The following ACACB variants were observed in gnomAD, a reference collection of about 807,000 sequenced individuals.
ACACB encodes acetyl-CoA carboxylase beta, also known as acetyl-CoA carboxylase 2.
Under a neutral mutation model 278.8 loss-of-function variants are expected in ACACB, and 209 were observed. That is an observed-to-expected ratio of 0.75 (90% CI 0.67 to 0.84). The LOEUF (loss-of-function observed/expected upper bound fraction) is 0.84, where lower values mean the gene tolerates loss of function less well. ACACB is among the 40% of genes least tolerant of loss of function. ACACB has a pLI of 0.00. For missense variants in ACACB, 2,850 were observed against 3,269.0 expected (o/e 0.87, Z 3.13); for synonymous variants, 1,174 against 1,285.6 (o/e 0.91, Z 1.86).
intron 26 of ACACB, 118 bp from the exon 27 acceptor site, chr12:109,223,697 G>T: frequency 1.1e-6 from 1 of 915,194 alleles, no homozygotes; most frequent in East Asian, 2.5e-5. Context: ...GGGAGTTTGA[G>T]GCTGCGGTGA....
At chr12:109,137,388 A>G (rs1023150037) in intron 1 of ACACB, among the ~76,000 whole-genome samples, 6 of 152,248 alleles carry the variant, frequency 3.9e-5, no homozygotes, top group Middle Eastern at 3.4e-3. Flanking sequence ...GGCAGGGCAC[A>G]GTGTCTCACG....
At chr12:109,248,917 G>A (rs1404242827) in intron 40 of ACACB, 1 of 152,184 alleles carries the variant, frequency 6.6e-6, no homozygotes, top group Non-Finnish European at 1.5e-5. Flanking sequence ...GATTGTGAAT[G>A]GGTTTCCTCT....
rs150774706 is a variant in ACACB at position 109,217,601 on chromosome 12, C to T, written c.3564+681C>T. 6.3e-3 allele frequency among the ~76,000 whole-genome samples: 958 copies of T among 152,192 alleles called. 11 individuals are homozygous for T. Among genetic ancestry groups the T allele is most frequent in the African/African-American group, 0.02 (832 of 41,522 alleles). On this transcript the variant is annotated intron_variant, in intron 24 of 52. Coordinates refer to ENST00000338432, the MANE Select transcript of ACACB (RefSeq NM_001093.4). Reference sequence around the variant, plus strand: ...ATCACTCGAGGCCAGGAGTTTGAGACGAGCCTGGGCAACATAGGGAGACCC... The same window carrying T: ...ATCACTCGAGGCCAGGAGTTTGAGATGAGCCTGGGCAACATAGGGAGACCC...
chr12:109,221,879 C>CTTT (rs34724260), intron 24 of ACACB, among the ~76,000 whole-genome samples: 3 of 130,152 alleles, frequency 2.3e-5, no homozygotes, highest in African/African-American at 3.3e-5. Flanking sequence ...AATCACTGAC[C>CTTT]TTTTTTTTTT....
intron 1 of ACACB, among the ~76,000 whole-genome samples, chr12:109,122,906 G>A (rs1393344305): frequency 6.6e-6 from 1 of 151,976 alleles, no homozygotes; most frequent in South Asian, 2.1e-4. Context: ...ATTTAAGCTG[G>A]GTGCAGTGGC....
At chr12:109,231,298 T>C (rs1329529341) in intron 28 of ACACB, among the ~76,000 whole-genome samples, 1 of 152,218 alleles carries the variant, frequency 6.6e-6, no homozygotes, top group East Asian at 1.9e-4. Flanking sequence ...TTCTCCATGA[T>C]TTTTTCCAGC....
chr12:109,195,540 A>G (rs571473479), intron 16 of ACACB, among the ~76,000 whole-genome samples: 3 of 152,352 alleles, frequency 2.0e-5, no homozygotes, highest in Admixed American at 2.0e-4. Flanking sequence ...AAGCGAGCAT[A>G]AAAAATCAGG....
At chr12:109,134,301 A>G (rs940057307) in intron 1 of ACACB, among the ~76,000 whole-genome samples, 2 of 152,182 alleles carry the variant, frequency 1.3e-5, no homozygotes, top group African/African-American at 4.8e-5. Context: ...AAGAGCCCCA[A>G]GGGAGTGGAC....
intron 2 of ACACB, among the ~76,000 whole-genome samples, chr12:109,163,827 T>G (rs941448668): frequency 6.6e-6 from 1 of 152,164 alleles, no homozygotes; most frequent in Non-Finnish European, 1.5e-5. Flanking sequence ...TTTTTGTATT[T>G]TTAGTAGAGA....
chr12:109,177,541 C>T (rs1472832549), intron 9 of ACACB, among the ~76,000 whole-genome samples: 2 of 152,072 alleles, frequency 1.3e-5, no homozygotes, highest in Non-Finnish European at 2.9e-5. Flanking sequence ...ACCATTGTAT[C>T]GCTGTTGGGG....
intron 22 of ACACB, among the ~76,000 whole-genome samples, chr12:109,213,341 G>C (rs1231582430): frequency 6.6e-6 from 1 of 152,134 alleles, no homozygotes; most frequent in African/African-American, 2.4e-5. Flanking sequence ...TGGGATTACA[G>C]GCCTGAGCCA....
At chr12:109,173,916 T>C (rs539254158) in intron 6 of ACACB, among the ~76,000 whole-genome samples, 1 of 152,352 alleles carries the variant, frequency 6.6e-6, no homozygotes, top group African/African-American at 2.4e-5. Context: ...AGGTTTACAA[T>C]CCACATACGT....
intron 2 of ACACB, chr12:109,154,865 C>T (rs2043484276): frequency 6.5e-6 from 1 of 152,700 alleles, no homozygotes; most frequent in Non-Finnish European, 1.5e-5. Flanking sequence ...TGCGGGAGCC[C>T]GGTGGGATTG....
At chr12:109,159,815 C>G (rs538677947) in intron 2 of ACACB, among the ~76,000 whole-genome samples, 1 of 151,938 alleles carries the variant, frequency 6.6e-6, no homozygotes, top group Non-Finnish European at 1.5e-5. Flanking sequence ...CAGGGCTGGG[C>G]GCGGTGGCTC....
intron 52 of ACACB, 128 bp from the exon 53 acceptor site, chr12:109,266,108 G>A (rs2047510405): frequency 8.3e-7 from 1 of 1,211,146 alleles, no homozygotes; most frequent in East Asian, 2.6e-5. Flanking sequence ...TCACCCCCAT[G>A]GGGACCACAG....
chr12:109,213,017 G>A (rs1030920565), intron 22 of ACACB, 81 bp downstream of exon 22: 10 of 1,241,478 alleles, frequency 8.1e-6, no homozygotes, highest in South Asian at 3.7e-5. Context: ...CTCTGGGGCT[G>A]TCTTCAGGGC....
At chr12:109,156,480 G>T (rs957716614) in intron 2 of ACACB, among the ~76,000 whole-genome samples, 1 of 151,608 alleles carries the variant, frequency 6.6e-6, no homozygotes, top group African/African-American at 2.4e-5. Flanking sequence ...GTGAGCAATG[G>T]TTGTGCTATT....
intron 44 of ACACB, among the ~76,000 whole-genome samples, chr12:109,255,888 GT>G (rs1339950443): frequency 3.9e-5 from 6 of 152,208 alleles, no homozygotes; most frequent in Non-Finnish European, 8.8e-5. Flanking sequence ...TTGGCTGGCT[GT>G]TGATGGTAGT....
At position 109,210,562 on chromosome 12, in the gene ACACB, TAC is replaced by T. The variant is rs773963782; in HGVS notation, c.3249+1211_3249+1212del. On this transcript the variant is annotated intron_variant, in intron 21 of 52. Coordinates refer to ENST00000338432, the MANE Select transcript of ACACB (RefSeq NM_001093.4). ...ATACGTGCATGTATATATACATATATACATGTATGTGTGTATATACATATAAA... is the reference window on the plus strand; with the variant it reads ...ATACGTGCATGTATATATACATATATATGTATGTGTGTATATACATATAAA... Among the ~76,000 whole-genome samples, 180 of 148,946 alleles carry T rather than the reference TAC, an allele frequency of 1.2e-3. 1 individual carries two copies. The highest frequency in any genetic ancestry group is 1.7e-3 in the Non-Finnish European group (112 of 67,344).
Sources: gnomAD v4.1 joint callset for allele counts (sites outside exome capture counted in the v4.1 genomes callset) on GRCh38, gnomAD v4.1.1 for gene constraint, MANE v1.5 for transcripts, NCBI Gene and HGNC (gene_info 2026-07-23, HGNC 2026-07-21) for gene names.